TTLL7: variants seen among roughly 807,000 people sequenced by gnomAD.
The protein encoded by TTLL7 is tubulin polyglutamylase TTLL7.
A neutral mutation model predicts 120.2 loss-of-function variants in TTLL7; 53 were observed. That is an observed-to-expected ratio of 0.44 (90% CI 0.35 to 0.55). The LOEUF is 0.55. Among genes scored for constraint, TTLL7 ranks in the 20% least tolerant of loss-of-function variants. The probability of loss-of-function intolerance (pLI) is 0.00; values close to 1 mark genes in which losing one functional copy is unlikely to be tolerated. For synonymous variants in TTLL7, 353 were observed against 351.7 expected, an observed-to-expected ratio of 1.00 and a Z score of -0.04; for missense variants, 803 against 1,054.7, an observed-to-expected ratio of 0.76 and a Z score of 3.31.
At chr1:83,937,324 C>A (rs1356321265) in intron 8 of TTLL7, among the ~76,000 whole-genome samples, 1 of 151,890 alleles carries the variant, frequency 6.6e-6, no homozygotes, top group Non-Finnish European at 1.5e-5. Flanking sequence ...CTGCCTCAGC[C>A]CCGAGTAGCT....
At chr1:83,937,725 T>C (rs1435627052) in intron 8 of TTLL7, 127 bp downstream of exon 8, 2 of 1,045,726 alleles carry the variant, frequency 1.9e-6, no homozygotes, top group Non-Finnish European at 2.8e-6. Context: ...CTGATTTTTT[T>C]CTCTCTGGTC....
chr1:83,967,003 A>G (rs557802910), intron 1 of TTLL7, among the ~76,000 whole-genome samples: 2 of 152,286 alleles, frequency 1.3e-5, no homozygotes, highest in South Asian at 4.1e-4. Flanking sequence ...AGAAGTTTAC[A>G]GAATGCCTTA....
chr1:83,875,408 A>C (rs1199971167), intron 20 of TTLL7, among the ~76,000 whole-genome samples: 1 of 151,958 alleles, frequency 6.6e-6, no homozygotes, highest in Non-Finnish European at 1.5e-5. Context: ...CCATTGTATG[A>C]ATACTAGAAA....
At chr1:83,975,000 G>C (rs1196327557) in intron 1 of TTLL7, among the ~76,000 whole-genome samples, 1 of 151,934 alleles carries the variant, frequency 6.6e-6, no homozygotes, top group Non-Finnish European at 1.5e-5. Context: ...TCAACCATAT[G>C]CTAATTCATT....
In TTLL7 at chr1:83,919,753, T is replaced by C; in HGVS notation, c.1446A>G (p.Ser482=). ...CTCGCTGGAATGAAGCTGCTCTTCC[T>C]GAAAGGAAGGTCTGAAAGGCAACAG... ...LLAVAFQTFL[S]GRAASFQREL... is the part of the protein sequence containing the mutation. Residue 482 remains serine (S), a synonymous_variant, in exon 13 of 21, where the codon TCA becomes TCG. Coordinates refer to ENST00000260505, the MANE Select transcript of TTLL7 (RefSeq NM_024686.6). The C allele has an allele frequency of 6.2e-7, 1 of 1,613,142 alleles. No homozygotes were observed. The highest frequency in any genetic ancestry group is 8.5e-7 in the Non-Finnish European group (1 of 1,179,466).
chr1:83,899,057 G>C (rs995576013), intron 18 of TTLL7, among the ~76,000 whole-genome samples: 7 of 151,712 alleles, frequency 4.6e-5, no homozygotes, highest in Non-Finnish European at 1.0e-4. Flanking sequence ...AATTTTGGCA[G>C]GGTTAACTTT....
chr1:83,870,591 C>T (rs1051874330), intron 20 of TTLL7, among the ~76,000 whole-genome samples: 3 of 151,928 alleles, frequency 2.0e-5, no homozygotes, highest in Non-Finnish European at 4.4e-5. Flanking sequence ...ATTCTTTGAC[C>T]ATAGAGTGCT....
rs555875174 is a variant in TTLL7 at position 83,981,745 on chromosome 1, T to C, written c.-177+17186A>G. Reference sequence around the variant, plus strand: ...TACTCAGGAGGCTGAGGCAGGAGAATGGTGTGAACCCGGGGGCGGAGCTTT... The same window carrying C: ...TACTCAGGAGGCTGAGGCAGGAGAACGGTGTGAACCCGGGGGCGGAGCTTT... On this transcript the variant is annotated intron_variant, in intron 1 of 20. Transcript: ENST00000260505. 3.4e-3 allele frequency among the ~76,000 whole-genome samples: 506 copies of C among 150,876 alleles called. 7 individuals carry two copies. Among genetic ancestry groups the C allele is most frequent in the African/African-American group, 0.011 (466 of 41,024 alleles).
chr1:83,936,897 T>C (rs1647441717), intron 8 of TTLL7, among the ~76,000 whole-genome samples: 1 of 152,200 alleles, frequency 6.6e-6, no homozygotes, highest in Admixed American at 6.5e-5. Context: ...TTTCAAATTA[T>C]CACAGTTCCC....
chr1:83,892,946 G>GA lies in TTLL7; in HGVS notation c.2209-2466dup, dbSNP rs1557570876. 1.9e-3 allele frequency among the ~76,000 whole-genome samples: 214 copies of GA among 111,846 alleles called. 6 individuals carry two copies. Among genetic ancestry groups the GA allele is most frequent in the African/African-American group, 0.01 (198 of 19,618 alleles). 73.4% of individuals were successfully genotyped at this position (111,846 alleles called of 152,430 possible). A position where few individuals can be genotyped will look rare whatever the true frequency, so the allele number is the denominator to read the frequency against. ...AGAAAAAGAGAAAGAAAGAAAGAAA[G>GA]AAAGAAAAGAATAAAAGAAAGAAAG... On this transcript the variant is annotated intron_variant, in intron 18 of 20. Coordinates refer to ENST00000260505, the MANE Select transcript of TTLL7 (RefSeq NM_024686.6).
At chr1:83,972,661 A>G (rs1269745691) in intron 1 of TTLL7, among the ~76,000 whole-genome samples, 1 of 152,090 alleles carries the variant, frequency 6.6e-6, no homozygotes, top group Non-Finnish European at 1.5e-5. Flanking sequence ...CTGTCTTCCA[A>G]AGTATCTGTG....
chr1:83,911,798 C>A (rs1003596927), intron 14 of TTLL7, among the ~76,000 whole-genome samples: 68 of 151,530 alleles, frequency 4.5e-4, no homozygotes, highest in African/African-American at 1.5e-3. Context: ...TATGCATGTG[C>A]ACGTGCAAGT....
In TTLL7 at chr1:83,983,459, T is replaced by C. The variant is rs183982515; in HGVS notation, c.-177+15472A>G. Among the ~76,000 whole-genome samples the C allele has an allele frequency of 1.3e-3, 194 of 152,048 alleles. No individual in the cohort carries two copies. In the Middle Eastern group the frequency reaches 0.027, roughly 21 times the overall value. On this transcript the variant is annotated intron_variant, in intron 1 of 20. Transcript: ENST00000260505. ...AACTACCTCTCACCACAAGCAAAAATTAACTCAAGATGGATTAAAGATTTA... is the reference window on the plus strand; with the variant it reads ...AACTACCTCTCACCACAAGCAAAAACTAACTCAAGATGGATTAAAGATTTA...
At chr1:83,941,999 T>C (rs1440693188) in intron 7 of TTLL7, among the ~76,000 whole-genome samples, 4 of 152,216 alleles carry the variant, frequency 2.6e-5, no homozygotes, top group Non-Finnish European at 2.9e-5. Context: ...TTCCTTTTCA[T>C]ATACTTTCTC....
chr1:83,964,179 A>G (rs183133308), intron 1 of TTLL7, among the ~76,000 whole-genome samples: 1 of 152,286 alleles, frequency 6.6e-6, no homozygotes, highest in African/African-American at 2.4e-5. Flanking sequence ...CTTTAAAATA[A>G]GAATCTTTTC....
intron 1 of TTLL7, among the ~76,000 whole-genome samples, chr1:83,962,946 G>C (rs1463317911): frequency 6.6e-6 from 1 of 152,020 alleles, no homozygotes; most frequent in Non-Finnish European, 1.5e-5. Context: ...TCTCCTAATG[G>C]ACAACGCTTC....
intron 14 of TTLL7, among the ~76,000 whole-genome samples, chr1:83,911,917 C>T (rs1657711251): frequency 6.6e-6 from 1 of 151,990 alleles, no homozygotes; most frequent in African/African-American, 2.4e-5. Context: ...AATACTAAAA[C>T]ATTGCCTGTG....
chr1:83,957,595 C>T (rs1571308070), intron 1 of TTLL7, among the ~76,000 whole-genome samples: 1 of 152,126 alleles, frequency 6.6e-6, no homozygotes, highest in East Asian at 1.9e-4. Flanking sequence ...GGTTAAGAAA[C>T]TTGCACAAAG....
intron 1 of TTLL7, among the ~76,000 whole-genome samples, chr1:83,960,916 T>C (rs1649958324): frequency 6.6e-6 from 1 of 152,110 alleles, no homozygotes; most frequent in Non-Finnish European, 1.5e-5. Flanking sequence ...CATAGTAACT[T>C]TTGTCTCCCT....
Sources: gnomAD v4.1 joint callset for allele counts (sites outside exome capture counted in the v4.1 genomes callset) on GRCh38, gnomAD v4.1.1 for gene constraint, MANE v1.5 for transcripts, NCBI Gene and HGNC (gene_info 2026-07-23, HGNC 2026-07-21) for gene names.